PCBP2: variants seen among roughly 807,000 people sequenced by gnomAD.
PCBP2 encodes the protein poly(rC)-binding protein 2.
Under a neutral mutation model 50.1 loss-of-function variants are expected in PCBP2, and 4 were observed. The observed-to-expected ratio is 0.08, with a 90% CI of 0.04 to 0.18. PCBP2 has a LOEUF of 0.18. Ranked by LOEUF, PCBP2 falls within the 10% of genes least tolerant of loss-of-function variation. PCBP2 has a pLI of 1.00. For synonymous variants in PCBP2, 179 were observed against 168.0 expected (o/e 1.07, Z -0.51); for missense variants, 161 against 474.3 (o/e 0.34, Z 6.14).
intron 12 of PCBP2, chr12:53,468,472 A>G (rs1236237032): frequency 2.5e-6 from 1 of 393,074 alleles, no homozygotes; most frequent in Non-Finnish European, 4.6e-6. Context: ...TTGTTTAGAC[A>G]TTGGTCCTTT....
chr12:53,461,388 G>A (rs951166548), intron 7 of PCBP2, among the ~76,000 whole-genome samples: 3 of 152,192 alleles, frequency 2.0e-5, no homozygotes, highest in African/African-American at 7.2e-5. Flanking sequence ...TAGCAGAGTC[G>A]GGGAGAAGAT....
rs145270002 is a variant in PCBP2 at position 53,471,700 on chromosome 12, G to A, written c.945G>A (p.Gly315=). Residue 315 remains glycine (G), a synonymous_variant, in exon 14 of 15, where the codon GGG becomes GGA. Coordinates refer to ENST00000546463, the MANE Select transcript of PCBP2 (RefSeq NM_031989.5). The part of the protein sequence containing the change: ...AKINEIRQMS[G]AQIKIANPVE... ...TCAATGAGATCCGTCAGATGTCTGG[G>A]GCGCAGATCAAAATTGCGAACCCAG... is the stretch of plus-strand genomic sequence containing the variant. The A allele has an allele frequency of 1.2e-6, 2 of 1,613,914 alleles. No individual in the cohort carries two copies. The highest frequency in any genetic ancestry group is 2.7e-5 in the African/African-American group (2 of 74,910).
chr12:53,471,751 T>A lies in PCBP2; in HGVS notation c.996T>A (p.Val332=). 6.2e-7 allele frequency: 1 copy of A among 1,613,520 alleles called. No individual in the cohort carries two copies. Among genetic ancestry groups the A allele is most frequent in the Non-Finnish European group, 8.5e-7 (1 of 1,179,896 alleles). Residue 332 remains valine, a synonymous_variant, in exon 14 of 15, where the codon GTT becomes GTA. Coordinates refer to ENST00000546463, the MANE Select transcript of PCBP2 (RefSeq NM_031989.5). Reference sequence around the variant, plus strand: ...TGGAAGGATCTACTGATAGGCAGGTTACCATCACTGGATCTGCTGCCAGCA... The same window carrying A: ...TGGAAGGATCTACTGATAGGCAGGTAACCATCACTGGATCTGCTGCCAGCA... ...NPVEGSTDRQ[V]TITGSAASIS... is the part of the protein sequence containing the mutation.
intron 14 of PCBP2, 115 bp downstream of exon 14, chr12:53,471,922 A>G (rs2137103041): frequency 1.5e-6 from 1 of 673,056 alleles, no homozygotes; most frequent in Non-Finnish European, 2.1e-6. Context: ...GATGGCCAAA[A>G]GGTTTTTTTT....
At chr12:53,466,113 C>T in intron 10 of PCBP2, 140 bp downstream of exon 10, 4 of 747,570 alleles carry the variant, frequency 5.4e-6, no homozygotes, top group Non-Finnish European at 9.6e-6. Flanking sequence ...CAAGGTCAAT[C>T]CCATATTTTA....
Position 53,455,806 on chromosome 12 carries a change from T to C in PCBP2, c.127-79T>C, listed in dbSNP as rs17099468. 1.2e-3 allele frequency: 1,172 copies of C among 939,168 alleles called. 9 individuals carry two copies. The African/African-American group carries it at 0.017, about 14-fold the overall frequency. 58.2% of individuals were successfully genotyped at this position (939,168 alleles called of 1,614,324 possible). On this transcript the variant is annotated intron_variant, in intron 4 of 14. Transcript: ENST00000546463. ...GCATCAGGATCATGTACATTGGCAG[T>C]CTTATAAGGGACTGTAGATCCTGTA... is the stretch of plus-strand genomic sequence containing the variant.
intron 14 of PCBP2, chr12:53,475,929 A>T (rs901704398): frequency 1.3e-5 from 2 of 152,212 alleles, no homozygotes; most frequent in Admixed American, 1.3e-4. Flanking sequence ...TCATCCCAGG[A>T]TTCCTCTGGT....
chr12:53,468,947 G>A, intron 13 of PCBP2, 115 bp downstream of exon 13: 1 of 749,328 alleles, frequency 1.3e-6, no homozygotes, highest in Non-Finnish European at 2.2e-6. Flanking sequence ...AAACAGCCCA[G>A]GCTGTAGTGC....
intron 1 of PCBP2, among the ~76,000 whole-genome samples, chr12:53,453,894 T>G (rs1040879008): frequency 2.0e-5 from 3 of 152,234 alleles, no homozygotes; most frequent in African/African-American, 7.2e-5. Context: ...GTGCATTTGC[T>G]GCTGTTCTTA....
chr12:53,454,767 A>C lies in PCBP2; in HGVS notation c.-34A>C, dbSNP rs777260567. The C allele has an allele frequency of 1.9e-6, 3 of 1,599,092 alleles. No individual in the cohort carries two copies. Among genetic ancestry groups the C allele is most frequent in the Non-Finnish European group, 2.6e-6 (3 of 1,166,504 alleles). ...CCAACCAGTGACCAAAGACTTGACC[A>C]CTCAAAGTCCAGCTCCCCAGAACAC... On this transcript the variant is annotated 5_prime_UTR_variant, in exon 2 of 15. Transcript: ENST00000546463.
At position 53,481,138 on chromosome 12, in the gene PCBP2, A is replaced by G. The variant is rs1322100774; in HGVS notation, c.*1696A>G. The G allele has an allele frequency of 1.2e-6, 1 of 805,138 alleles. No individual in the cohort carries two copies. The highest frequency in any genetic ancestry group is 1.7e-6 in the Non-Finnish European group (1 of 603,898). 49.9% of individuals were successfully genotyped at this position (805,138 alleles called of 1,614,324 possible). ...ATATATATATATGTATATATATATA[A>G]TTTATATAAATATTTCTCTATGTAC... On this transcript the variant is annotated 3_prime_UTR_variant, in exon 15 of 15. Coordinates refer to ENST00000546463, the MANE Select transcript of PCBP2 (RefSeq NM_031989.5).
chr12:53,461,635 G>T (rs1592650818), intron 7 of PCBP2, among the ~76,000 whole-genome samples: 2 of 152,156 alleles, frequency 1.3e-5, no homozygotes, highest in African/African-American at 4.8e-5. Flanking sequence ...TAAAAGAATA[G>T]CAAAATTCAG....
At chr12:53,465,269 C>G (rs976059221) in intron 9 of PCBP2, among the ~76,000 whole-genome samples, 1 of 151,882 alleles carries the variant, frequency 6.6e-6, no homozygotes, top group East Asian at 1.9e-4. Context: ...CCCTGAAGAC[C>G]CAGCTCCCTT....
At chr12:53,461,186 C>T (rs767158950) in intron 7 of PCBP2, 43 bp downstream of exon 7, 3 of 1,605,468 alleles carry the variant, frequency 1.9e-6, no homozygotes, top group South Asian at 2.2e-5. Context: ...GAGGGCCATT[C>T]TGGGGACAGA....
intron 14 of PCBP2, chr12:53,476,168 A>G (rs1477041943): frequency 2.0e-5 from 3 of 151,998 alleles, no homozygotes; most frequent in Non-Finnish European, 4.4e-5. Context: ...TCCTAAACCA[A>G]CTCTGTCAAC....
chr12:53,467,335 A>G, intron 11 of PCBP2, 42 bp downstream of exon 11: 1 of 1,463,288 alleles, frequency 6.8e-7, no homozygotes, highest in South Asian at 1.1e-5. Flanking sequence ...GTGTAGTGCA[A>G]GAGAGAGGCC....
intron 4 of PCBP2, 58 bp from the exon 5 acceptor site, chr12:53,455,827 C>G (rs555572560): frequency 1.8e-6 from 2 of 1,139,082 alleles, no homozygotes; most frequent in South Asian, 2.5e-5. Context: ...ACTGTAGATC[C>G]TGTACATACT....
rs544836722 is a variant in PCBP2 at position 53,463,214 on chromosome 12, C to T, written c.579+647C>T. Among the ~76,000 whole-genome samples, 14 of 152,246 alleles carry T rather than the reference C, an allele frequency of 9.2e-5. No individual in the cohort carries two copies. In the South Asian group the frequency reaches 1.9e-3, roughly 20 times the overall value. On this transcript the variant is annotated intron_variant, in intron 8 of 14. Transcript: ENST00000546463. Reference sequence around the variant, plus strand: ...TAGAGTAAGAACACCAAAGCACCACCGTGGCCTCTCTGCTCCTTCCTCATC... The same window carrying T: ...TAGAGTAAGAACACCAAAGCACCACTGTGGCCTCTCTGCTCCTTCCTCATC...
chr12:53,457,418 A>G (rs954500376), intron 5 of PCBP2, among the ~76,000 whole-genome samples: 2 of 151,748 alleles, frequency 1.3e-5, no homozygotes, highest in Non-Finnish European at 2.9e-5. Context: ...AGGCTGAAGT[A>G]CAGTTGTGTT....
Sources: allele counts gnomAD v4.1 joint callset (sites outside exome capture counted in the v4.1 genomes callset), GRCh38; gene constraint gnomAD v4.1.1; transcripts MANE v1.5; gene names NCBI Gene and HGNC (gene_info 2026-07-23, HGNC 2026-07-21).